XYLB: variants seen among roughly 807,000 people sequenced by gnomAD.
The protein encoded by XYLB is xylulokinase, also known as xylulose kinase.
Under a neutral mutation model 78.7 loss-of-function variants are expected in XYLB, and 62 were observed. That is an observed-to-expected ratio of 0.79 (90% confidence interval 0.64 to 0.97). The LOEUF is 0.97. Ranked by LOEUF, XYLB falls within the 50% of genes least tolerant of loss-of-function variation. XYLB has a pLI of 0.00. For synonymous variants in XYLB, 245 were observed against 247.4 expected (o/e 0.99, Z 0.09); for missense variants, 687 against 676.8 (o/e 1.02, Z -0.17).
rs1575548836 is a variant in XYLB at position 38,413,075 on chromosome 3, C to T, written c.*62C>T. The T allele has an allele frequency of 6.8e-7, 1 of 1,481,038 alleles. No homozygotes were observed. Among genetic ancestry groups the T allele is most frequent in the East Asian group, 2.4e-5 (1 of 41,430 alleles). 91.7% of individuals were successfully genotyped at this position (1,481,038 alleles called of 1,614,324 possible). A position where few individuals can be genotyped will look rare whatever the true frequency, so the allele number is the denominator to read the frequency against. ...CTGACCCCATTTGTCGACATGGCCCCAGACAGGAGGGATCCACTTCTCTGT... is the reference window on the plus strand; with the variant it reads ...CTGACCCCATTTGTCGACATGGCCCTAGACAGGAGGGATCCACTTCTCTGT... On this transcript the variant is annotated 3_prime_UTR_variant, in exon 19 of 19. Coordinates refer to ENST00000207870, the MANE Select transcript of XYLB (RefSeq NM_005108.4).
At chr3:38,429,664 G>A in the XYLB span, among the ~76,000 whole-genome samples, 37 of 152,212 alleles carry the variant, frequency 2.4e-4, no homozygotes, top group East Asian at 5.4e-3. Flanking sequence ...CCATTAACTC[G>A]TCATTTACAT....
In XYLB at chr3:38,413,086, G is replaced by C; in HGVS notation, c.*73G>C. 7.0e-7 allele frequency: 1 copy of C among 1,434,808 alleles called. No individual in the cohort carries two copies. Among genetic ancestry groups the C allele is most frequent in the Non-Finnish European group, 9.4e-7 (1 of 1,059,224 alleles). The allele number at this position is 1,434,808 out of a possible 1,614,324, so 88.9% of individuals were successfully genotyped here. A position where few individuals can be genotyped will look rare whatever the true frequency, so the allele number is the denominator to read the frequency against. On this transcript the variant is annotated 3_prime_UTR_variant, in exon 19 of 19. Transcript: ENST00000207870. ...TGTCGACATGGCCCCAGACAGGAGG[G>C]ATCCACTTCTCTGTTCTGAACAGCT...
At position 38,370,240 on chromosome 3, in the gene XYLB, G is replaced by GCGCA. The variant is rs1553653443; in HGVS notation, c.765+67_765+68insGCAC. The GCGCA allele has an allele frequency of 1.9e-4, 124 of 647,820 alleles. 1 individual carries two copies. The African/African-American group carries it at 2.0e-3, about 11-fold the overall frequency. The allele number at this position is 647,820 out of a possible 1,614,324, so 40.1% of individuals were successfully genotyped here. On this transcript the variant is annotated intron_variant, in intron 9 of 18. Transcript: ENST00000207870. ...GCAGCTACCAGGGAAGCACTGTAGC[G>GCGCA]CACACACACACACACACACACACAC...
At chr3:38,398,395 G>A (rs1242603677) in intron 17 of XYLB, among the ~76,000 whole-genome samples, 1 of 151,720 alleles carries the variant, frequency 6.6e-6, no homozygotes, top group Non-Finnish European at 1.5e-5. Context: ...TTGAACCCGG[G>A]AGGCAGAGGT....
Position 38,395,490 on chromosome 3 carries a change from T to A in XYLB, c.1292-15T>A, listed in dbSNP as rs759509115. 6.2e-7 allele frequency: 1 copy of A among 1,614,138 alleles called. No homozygotes were observed. The highest frequency in any genetic ancestry group is 8.5e-7 in the Non-Finnish European group (1 of 1,179,976). ...AACTGGCATAGCTATTTTACTTTTT[T>A]CTTTTCCCTTGCAGTGTCCAAGACA... On this transcript the variant is annotated splice_polypyrimidine_tract_variant and intron_variant, in intron 15 of 18. Coordinates refer to ENST00000207870, the MANE Select transcript of XYLB (RefSeq NM_005108.4).
chr3:38,395,603 A>T, intron 16 of XYLB, 40 bp downstream of exon 16: 2 of 1,594,868 alleles, frequency 1.3e-6, no homozygotes, highest in South Asian at 2.2e-5. Flanking sequence ...GGCCTCTCCC[A>T]TATCTGTTAT....
chr3:38,451,957 G>A, the XYLB span: 1 of 152,210 alleles, frequency 6.6e-6, no homozygotes, highest in South Asian at 2.1e-4. Context: ...CTGGTATGGA[G>A]TAGAAGAGAG....
chr3:38,355,129 C>T (rs1194845117), intron 2 of XYLB, among the ~76,000 whole-genome samples: 1 of 152,214 alleles, frequency 6.6e-6, no homozygotes, highest in Admixed American at 6.5e-5. Context: ...TGGCATTGTG[C>T]CAGTTCTAAG....
chr3:38,382,499 C>G (rs953556551), intron 15 of XYLB, among the ~76,000 whole-genome samples: 2 of 152,068 alleles, frequency 1.3e-5, no homozygotes, highest in African/African-American at 4.8e-5. Flanking sequence ...GATGTGTGTT[C>G]TAGGTCAATA....
chr3:38,420,001 G>T (rs571555340), exon 18 of XYLB, among the ~76,000 whole-genome samples: 1 of 152,042 alleles, frequency 6.6e-6, no homozygotes, highest in African/African-American at 2.4e-5. Flanking sequence ...TGTATTTTTA[G>T]TAGAGACGGG....
In XYLB at chr3:38,376,200, A is replaced by G; in HGVS notation, c.1088A>G (p.Gln363Arg). The G allele has an allele frequency of 6.2e-7, 1 of 1,613,998 alleles. No individual in the cohort carries two copies. The highest frequency in any genetic ancestry group is 2.2e-5 in the East Asian group (1 of 44,880). ...RSWSDFSKAL[Q>R]STEMGNGGNL... ...TGGAGCGATTTCTCTAAGGCACTGC[A>G]GTCCACAGAGATGGGCAACGGTGGA... is the stretch of plus-strand genomic sequence containing the variant. The change falls in exon 13 of 19, where the codon CAG becomes CGG. Residue 363 changes from glutamine (Q) to arginine (R), a missense_variant. By Grantham distance (43) the Gln-to-Arg change is conservative. Transcript: ENST00000207870.
Position 38,379,341 on chromosome 3 carries a change from C to A in XYLB, c.1290C>A (p.Val430=). The A allele has an allele frequency of 6.2e-7, 1 of 1,614,020 alleles. No individual in the cohort carries two copies. The highest frequency in any genetic ancestry group is 1.1e-5 in the South Asian group (1 of 91,050). Residue 430 remains valine (V), a splice_region_variant and synonymous_variant, in exon 15 of 19, where the codon GTC becomes GTA. Transcript: ENST00000207870. ...ACGCAGAAGGCCTGGGCTATCGAGT[C>A]AGTAAGTGAGCCACTGGCAGCATGT... ...RIHAEGLGYR[V]MSKTKILATG... is the part of the protein sequence containing the mutation.
intron 18 of XYLB, among the ~76,000 whole-genome samples, chr3:38,408,730 AACTACC>A (rs1708442121): frequency 6.6e-6 from 1 of 152,168 alleles, no homozygotes; most frequent in African/African-American, 2.4e-5. Flanking sequence ...CAGAAATACA[AACTACC>A]ATCAGAGAAT....
downstream of XYLB, among the ~76,000 whole-genome samples, chr3:38,419,596 AT>A (rs1559628765): frequency 1.1e-4 from 14 of 122,002 alleles, 2 homozygotes; most frequent in Middle Eastern, 8.1e-3. Context: ...ATATATATAT[AT>A]ATATATAATA....
At chr3:38,362,906 C>T in intron 3 of XYLB, 31 bp from the exon 4 acceptor site, 2 of 1,498,500 alleles carry the variant, frequency 1.3e-6, no homozygotes, top group Non-Finnish European at 1.8e-6. Flanking sequence ...TGGTTCTGTA[C>T]AGTCATGGTG....
chr3:38,452,521 C>T, the XYLB span: 2 of 152,084 alleles, frequency 1.3e-5, no homozygotes, highest in Non-Finnish European at 2.9e-5. Context: ...ACCTCCGCCT[C>T]CCTCCTGTGT....
chr3:38,357,897 T>C (rs1237049942), intron 2 of XYLB, among the ~76,000 whole-genome samples: 1 of 76,990 alleles, frequency 1.3e-5, no homozygotes, highest in African/African-American at 3.9e-5. Context: ...TCTTTTATTA[T>C]TGAGTTGTAA....
At position 38,411,576 on chromosome 3, in the gene XYLB, A is replaced by C. The variant is rs530076441; in HGVS notation, c.1534-1360A>C. 5.9e-5 allele frequency among the ~76,000 whole-genome samples: 9 copies of C among 152,250 alleles called. No homozygotes were observed. The South Asian group carries it at 1.9e-3, about 32-fold the overall frequency. ...TTTGCCAGAACTGCAATTTACTCGAACATTTTCCTTGCCTTAGTACAGTTG... is the reference window on the plus strand; with the variant it reads ...TTTGCCAGAACTGCAATTTACTCGACCATTTTCCTTGCCTTAGTACAGTTG... On this transcript the variant is annotated intron_variant, in intron 18 of 18. Coordinates refer to ENST00000207870, the MANE Select transcript of XYLB (RefSeq NM_005108.4).
intron 9 of XYLB, 66 bp downstream of exon 9, chr3:38,370,240 GCACACACACACACA>G (rs3219563): frequency 7.7e-6 from 5 of 647,708 alleles, no homozygotes; most frequent in Non-Finnish European, 1.4e-5. Context: ...GCACTGTAGC[GCACACACACACACA>G]CACACACACA....
Sources: allele counts gnomAD v4.1 joint callset (sites outside exome capture counted in the v4.1 genomes callset), GRCh38; gene constraint gnomAD v4.1.1; transcripts MANE v1.5; gene names NCBI Gene and HGNC (gene_info 2026-07-23, HGNC 2026-07-21).